The following CALCR variants were observed in gnomAD, a reference collection of about 807,000 sequenced individuals.
CALCR encodes calcitonin receptor.
A neutral mutation model predicts 59.5 loss-of-function variants in CALCR; 47 were observed. That is an observed-to-expected ratio of 0.79 (90% CI 0.63 to 1.01). The LOEUF (loss-of-function observed/expected upper bound fraction) is 1.01, where lower values mean the gene tolerates loss of function less well. Ranked by LOEUF, CALCR falls within the 50% of genes least tolerant of loss-of-function variation. CALCR has a pLI of 0.00. For missense variants in CALCR, 566 were observed against 597.1 expected (o/e 0.95, Z 0.54); for synonymous variants, 213 against 211.3 (o/e 1.01, Z -0.07).
rs965628961 is a variant in CALCR at position 93,434,358 on chromosome 7, A to C, written c.1150-64T>G. The C allele has an allele frequency of 7.0e-5, 77 of 1,102,856 alleles. 1 individual carries two copies. Among genetic ancestry groups the C allele is most frequent in the Non-Finnish European group, 1.0e-4 (75 of 718,646 alleles). 68.3% of individuals were successfully genotyped at this position (1,102,856 alleles called of 1,614,324 possible). ...GTGTGCATTATGTTGTTTAGTAAAC[A>C]ATATAATAGACTGCCCAGAGAAGGC... On this transcript the variant is annotated intron_variant, in intron 12 of 13. Transcript: ENST00000426151.
At chr7:93,443,838 G>A in intron 8 of CALCR, 81 bp from the exon 9 acceptor site, 1 of 1,202,380 alleles carries the variant, frequency 8.3e-7, no homozygotes, top group South Asian at 1.4e-5. Context: ...GTGAAAACAA[G>A]CCAAAGTATC....
intron 2 of CALCR, among the ~76,000 whole-genome samples, chr7:93,543,332 A>G (rs1247545215): frequency 6.6e-6 from 1 of 152,020 alleles, no homozygotes; most frequent in Non-Finnish European, 1.5e-5. Flanking sequence ...TTTAGTAGAG[A>G]CCGGGTTTCA....
At chr7:93,470,251 A>T (rs1481493439) in intron 6 of CALCR, among the ~76,000 whole-genome samples, 1 of 143,232 alleles carries the variant, frequency 7.0e-6, no homozygotes, top group African/African-American at 2.6e-5. Context: ...GGGATTTAGG[A>T]ATCTTATACA....
chr7:93,532,813 T>C (rs1788874011), intron 2 of CALCR, among the ~76,000 whole-genome samples: 1 of 118,008 alleles, frequency 8.5e-6, no homozygotes, highest in African/African-American at 3.7e-5. Flanking sequence ...CCTCATATAA[T>C]AGCCTTGATT....
intron 2 of CALCR, among the ~76,000 whole-genome samples, chr7:93,513,371 A>T (rs140787759): frequency 1.3e-5 from 2 of 152,188 alleles, no homozygotes. Flanking sequence ...AGGTTTATTT[A>T]CTAGGACACC....
At chr7:93,497,896 C>A (rs1347609599) in intron 2 of CALCR, among the ~76,000 whole-genome samples, 1 of 151,558 alleles carries the variant, frequency 6.6e-6, no homozygotes, top group Non-Finnish European at 1.5e-5. Context: ...GTCCAGAAAT[C>A]CCTGGTAGGA....
At chr7:93,461,644 T>C (rs2115811794) in intron 7 of CALCR, among the ~76,000 whole-genome samples, 1 of 152,320 alleles carries the variant, frequency 6.6e-6, no homozygotes. Flanking sequence ...CAAGTGCTGC[T>C]GCTTCTTGGT....
chr7:93,549,065 G>T (rs1192077926), intron 2 of CALCR, among the ~76,000 whole-genome samples: 1 of 152,020 alleles, frequency 6.6e-6, no homozygotes, highest in Non-Finnish European at 1.5e-5. Context: ...TATAGTTAAA[G>T]CACATGACAA....
chr7:93,492,391 ATATAAATTACTGTCTACAAT>A (rs1801101338), intron 2 of CALCR, among the ~76,000 whole-genome samples: 1 of 151,430 alleles, frequency 6.6e-6, no homozygotes, highest in African/African-American at 2.4e-5. Context: ...ATTTTTCCAG[ATATAAATTACTGTCTACAAT>A]GTATGCCTAT....
chr7:93,524,250 A>G (rs1801828098), intron 2 of CALCR, among the ~76,000 whole-genome samples: 1 of 151,050 alleles, frequency 6.6e-6, no homozygotes, highest in Admixed American at 6.6e-5. Context: ...GCTCACTGCA[A>G]GCTCCGCCTC....
chr7:93,504,681 A>AT (rs1801390269), intron 2 of CALCR, among the ~76,000 whole-genome samples: 2 of 152,082 alleles, frequency 1.3e-5, no homozygotes, highest in East Asian at 3.9e-4. Context: ...GCAAAACTGT[A>AT]TTTTTTTAAT....
At chr7:93,551,929 C>T (rs1374460471) in intron 2 of CALCR, among the ~76,000 whole-genome samples, 1 of 152,096 alleles carries the variant, frequency 6.6e-6, no homozygotes, top group East Asian at 1.9e-4. Context: ...GGTCTGTCAG[C>T]AGTCAGTGAA....
intron 13 of CALCR, among the ~76,000 whole-genome samples, chr7:93,428,691 G>T (rs567219532): frequency 9.8e-4 from 148 of 151,740 alleles, no homozygotes; most frequent in Non-Finnish European, 1.8e-3. Flanking sequence ...GGAGGCTGAG[G>T]CAGGAGAATG....
chr7:93,515,085 C>G (rs769976009), intron 2 of CALCR, among the ~76,000 whole-genome samples: 1 of 151,950 alleles, frequency 6.6e-6, no homozygotes, highest in Non-Finnish European at 1.5e-5. Context: ...AGTAGAAAAT[C>G]CTTTTTCTTC....
chr7:93,509,220 GC>G, intron 2 of CALCR, among the ~76,000 whole-genome samples: 1 of 152,118 alleles, frequency 6.6e-6, no homozygotes, highest in East Asian at 1.9e-4. Flanking sequence ...TCTTTAAATT[GC>G]CCCCAACAAT....
At chr7:93,439,893 A>G (rs1321971539) in intron 9 of CALCR, among the ~76,000 whole-genome samples, 2 of 152,154 alleles carry the variant, frequency 1.3e-5, no homozygotes, top group African/African-American at 4.8e-5. Context: ...AGTTACTTCA[A>G]TTGGAGAGAA....
chr7:93,478,210 T>C (rs778293205), intron 4 of CALCR, among the ~76,000 whole-genome samples: 42 of 126,916 alleles, frequency 3.3e-4, no homozygotes, highest in Non-Finnish European at 6.2e-4. Flanking sequence ...TGTTCAGTTC[T>C]TGATAAACAC....
chr7:93,485,814 AATG>A (rs1800930460), intron 3 of CALCR, among the ~76,000 whole-genome samples: 1 of 151,596 alleles, frequency 6.6e-6, no homozygotes, highest in Admixed American at 6.6e-5. Context: ...AATAGGATAA[AATG>A]ATAAGACAAA....
intron 2 of CALCR, among the ~76,000 whole-genome samples, chr7:93,546,980 C>T (rs1397970780): frequency 6.6e-6 from 1 of 152,062 alleles, no homozygotes; most frequent in African/African-American, 2.4e-5. Context: ...CTCCCACAGT[C>T]GGGTAAAGGA....
Sources: allele counts gnomAD v4.1 joint callset (sites outside exome capture counted in the v4.1 genomes callset), GRCh38; gene constraint gnomAD v4.1.1; transcripts MANE v1.5; gene names NCBI Gene and HGNC (gene_info 2026-07-23, HGNC 2026-07-21).